The following BMERB1 variants were observed in gnomAD, a reference collection of about 807,000 sequenced individuals.
BMERB1 encodes bMERB domain containing 1.
BMERB1 carries 12 observed loss-of-function variants against 23.6 expected under a neutral mutation model. That is an observed-to-expected ratio of 0.51 (90% CI 0.33 to 0.82). The LOEUF (loss-of-function observed/expected upper bound fraction) is 0.82, where lower values mean the gene tolerates loss of function less well. Ranked by LOEUF, BMERB1 falls within the 40% of genes least tolerant of loss-of-function variation. The pLI is 0.03. For missense variants in BMERB1, 247 were observed against 255.4 expected, an observed-to-expected ratio of 0.97 and a Z score of 0.22; for synonymous variants, 122 against 96.6, an observed-to-expected ratio of 1.26 and a Z score of -1.54.
rs996521545 is a variant in BMERB1 at position 15,586,979 on chromosome 16, C to T, written c.*150C>T. On this transcript the variant is annotated 3_prime_UTR_variant, in exon 6 of 6. Coordinates refer to ENST00000300006, the MANE Select transcript of BMERB1 (RefSeq NM_033201.3). ...CACCAGAGGCCATGGGCACGGCAGG[C>T]GGGCCTGGCCACCCTGTACAGAGTG... The T allele has an allele frequency of 9.0e-5, 55 of 611,442 alleles. No homozygotes were observed. The highest frequency in any genetic ancestry group is 7.6e-4 in the African/African-American group (41 of 53,968). The allele number at this position is 611,442 out of a possible 1,614,324, so 37.9% of individuals were successfully genotyped here.
chr16:15,515,204 T>C, intron 1 of BMERB1, 101 bp from the exon 2 acceptor site: 3 of 1,533,700 alleles, frequency 2.0e-6, no homozygotes, highest in Non-Finnish European at 2.7e-6. Flanking sequence ...TCAAGGTGTA[T>C]GATGGTCGCA....
chr16:15,575,127 G>T (rs559993897), intron 3 of BMERB1, among the ~76,000 whole-genome samples: 1 of 152,228 alleles, frequency 6.6e-6, no homozygotes, highest in South Asian at 2.1e-4. Context: ...CAGCAGAAAA[G>T]AATGGCATCC....
intron 1 of BMERB1, among the ~76,000 whole-genome samples, chr16:15,439,816 A>G (rs116236472): frequency 6.6e-6 from 1 of 152,192 alleles, no homozygotes; most frequent in African/African-American, 2.4e-5. Context: ...AAAAGCGCAG[A>G]GCTTTTCAGA....
chr16:15,463,874 T>TA (rs1398086107), intron 1 of BMERB1, among the ~76,000 whole-genome samples: 1,290 of 127,292 alleles, frequency 0.01, 23 homozygotes, highest in African/African-American at 0.032. Flanking sequence ...TGTGTATGCT[T>TA]TAAAAAAAAA....
At chr16:15,553,977 GA>G (rs2030169720) in intron 2 of BMERB1, among the ~76,000 whole-genome samples, 1 of 152,068 alleles carries the variant, frequency 6.6e-6, no homozygotes, top group Admixed American at 6.5e-5. Context: ...TTACAACGCA[GA>G]CACATATGTC....
chr16:15,531,096 A>T (rs1345007862), intron 2 of BMERB1, among the ~76,000 whole-genome samples: 6 of 151,512 alleles, frequency 4.0e-5, no homozygotes, highest in African/African-American at 1.5e-4. Flanking sequence ...TTTAGTAGAG[A>T]CGGGGTTTCA....
intron 1 of BMERB1, among the ~76,000 whole-genome samples, chr16:15,435,531 G>A (rs1298359568): frequency 1.3e-5 from 2 of 152,110 alleles, no homozygotes; most frequent in Admixed American, 1.3e-4. Context: ...AGGGGCTCCA[G>A]GGTCACTGGA....
chr16:15,554,344 G>A (rs2030183595), intron 2 of BMERB1, among the ~76,000 whole-genome samples: 1 of 152,152 alleles, frequency 6.6e-6, no homozygotes, highest in Non-Finnish European at 1.5e-5. Flanking sequence ...TTACCTCATA[G>A]AGTTGCTGCA....
chr16:15,546,894 C>T (rs564085831), intron 2 of BMERB1, among the ~76,000 whole-genome samples: 73 of 152,216 alleles, frequency 4.8e-4, no homozygotes, highest in African/African-American at 1.7e-3. Flanking sequence ...CTAAACGTGT[C>T]CTGTTAAGAA....
chr16:15,533,034 C>T, intron 2 of BMERB1: 2 of 455,804 alleles, frequency 4.4e-6, no homozygotes, highest in South Asian at 3.1e-5. Context: ...GCCTCGGTGG[C>T]CTCATCTGTT....
At chr16:15,453,402 A>C (rs952570169) in intron 1 of BMERB1, among the ~76,000 whole-genome samples, 5 of 152,078 alleles carry the variant, frequency 3.3e-5, no homozygotes, top group African/African-American at 1.2e-4. Flanking sequence ...ACACAGCAAG[A>C]CCCTGTCTCT....
At chr16:15,455,727 G>A (rs537941767) in intron 1 of BMERB1, among the ~76,000 whole-genome samples, 102 of 152,266 alleles carry the variant, frequency 6.7e-4, no homozygotes, top group African/African-American at 2.4e-3. Context: ...CTCCCAAAGT[G>A]CTGGGATTAC....
In BMERB1 at chr16:15,586,751, T is replaced by G; in HGVS notation, c.537T>G (p.Pro179=). 1 of 1,612,214 alleles carries G rather than the reference T, an allele frequency of 6.2e-7. No homozygotes were observed. Among genetic ancestry groups the G allele is most frequent in the Non-Finnish European group, 8.5e-7 (1 of 1,179,464 alleles). The change falls in exon 6 of 6, where the codon CCT becomes CCG. Residue 179 remains proline, a synonymous_variant. Transcript: ENST00000300006. ...CAGAGAAGAAAGCAGAGCCCCCACC[T>G]AGCAAGCCCACGGTGGCCAAGACGG... ...SRAEKKAEPP[P]SKPTVAKTGL... is the part of the protein sequence containing the mutation.
chr16:15,564,977 T>C (rs989522440), intron 2 of BMERB1, among the ~76,000 whole-genome samples: 1 of 152,048 alleles, frequency 6.6e-6, no homozygotes, highest in Admixed American at 6.6e-5. Context: ...CAGAATGTTA[T>C]CCAACTGTAT....
At chr16:15,449,803 C>T (rs543214944) in intron 1 of BMERB1, among the ~76,000 whole-genome samples, 154 of 152,198 alleles carry the variant, frequency 1.0e-3, no homozygotes, top group African/African-American at 3.7e-3. Context: ...ATCTCGGCCT[C>T]CCAAAGTGCT....
chr16:15,573,481 G>A (rs2030782932), intron 3 of BMERB1, among the ~76,000 whole-genome samples: 1 of 152,132 alleles, frequency 6.6e-6, no homozygotes, highest in East Asian at 1.9e-4. Context: ...GGTCGGAGAT[G>A]AAATCACAGG....
At chr16:15,522,888 A>G (rs910177650) in intron 2 of BMERB1, among the ~76,000 whole-genome samples, 1 of 152,082 alleles carries the variant, frequency 6.6e-6, no homozygotes, top group Non-Finnish European at 1.5e-5. Flanking sequence ...TAGTTTTGCT[A>G]TCTATAGGCG....
chr16:15,543,698 A>G (rs1454264675), intron 2 of BMERB1, among the ~76,000 whole-genome samples: 1 of 149,302 alleles, frequency 6.7e-6, no homozygotes, highest in East Asian at 1.9e-4. Context: ...GTGTGTACCC[A>G]TAATCCCAGC....
At position 15,587,764 on chromosome 16, in the gene BMERB1, G is replaced by A. The variant is rs1302419101; in HGVS notation, c.*935G>A. 1.5e-5 allele frequency: 4 copies of A among 274,350 alleles called. No homozygotes were observed. The highest frequency in any genetic ancestry group is 8.6e-5 in the South Asian group (3 of 34,852). The allele number at this position is 274,350 out of a possible 1,614,324, so 17.0% of individuals were successfully genotyped here. ...GTGACCAGATTGTGTCCCGTCATTG[G>A]GTGGCATATGTTAACTAGCTGCCAA... On this transcript the variant is annotated 3_prime_UTR_variant, in exon 6 of 6. Transcript: ENST00000300006.
Sources: gnomAD v4.1 joint callset for allele counts (sites outside exome capture counted in the v4.1 genomes callset) on GRCh38, gnomAD v4.1.1 for gene constraint, MANE v1.5 for transcripts, NCBI Gene and HGNC (gene_info 2026-07-23, HGNC 2026-07-21) for gene names.